PIK3CB: variants seen among roughly 807,000 people sequenced by gnomAD.
The protein encoded by PIK3CB is phosphatidylinositol 4,5-bisphosphate 3-kinase catalytic subunit beta isoform.
Under a neutral mutation model 136.8 loss-of-function variants are expected in PIK3CB, and 39 were observed. The ratio of observed to expected loss-of-function variants is 0.29; its 90% CI spans 0.22 to 0.37. The LOEUF (loss-of-function observed/expected upper bound fraction) is 0.37. PIK3CB is among the 10% of genes least tolerant of loss of function. The probability of loss-of-function intolerance (pLI) is 1.00; values close to 1 mark genes in which losing one functional copy is unlikely to be tolerated. For missense variants in PIK3CB, 868 were observed against 1,275.4 expected, an observed-to-expected ratio of 0.68 and a Z score of 4.87; for synonymous variants, 428 against 436.6, an observed-to-expected ratio of 0.98 and a Z score of 0.25.
chr3:138,767,491 T>C (rs961669826), intron 2 of PIK3CB, among the ~76,000 whole-genome samples: 1 of 152,176 alleles, frequency 6.6e-6, no homozygotes, highest in Admixed American at 6.5e-5. Flanking sequence ...GCCAGAAACA[T>C]CTGTGGCCAG....
chr3:138,826,511 T>G (rs1434930307), intron 1 of PIK3CB, among the ~76,000 whole-genome samples: 4 of 150,880 alleles, frequency 2.7e-5, no homozygotes, highest in Admixed American at 2.0e-4. Context: ...TTTTTTTTTT[T>G]TTTTTTTTTT....
At chr3:138,823,832 A>C (rs918357382) in intron 1 of PIK3CB, among the ~76,000 whole-genome samples, 2 of 152,238 alleles carry the variant, frequency 1.3e-5, no homozygotes, top group African/African-American at 4.8e-5. Context: ...TTAAATCACA[A>C]GAGCTCATTC....
At chr3:138,813,708 C>T (rs1021114666) in intron 1 of PIK3CB, among the ~76,000 whole-genome samples, 2 of 151,684 alleles carry the variant, frequency 1.3e-5, no homozygotes, top group Admixed American at 6.6e-5. Flanking sequence ...TGAGCCACCG[C>T]GCCCAGCCGA....
In PIK3CB at chr3:138,655,253, T is replaced by G; in HGVS notation, c.*136A>C. 1 of 821,626 alleles carries G rather than the reference T, an allele frequency of 1.2e-6. No homozygotes were observed. Among genetic ancestry groups the G allele is most frequent in the Non-Finnish European group, 1.9e-6 (1 of 517,798 alleles). 50.9% of individuals were successfully genotyped at this position (821,626 alleles called of 1,614,324 possible). A position where few individuals can be genotyped will look rare whatever the true frequency, so the allele number is the denominator to read the frequency against. On this transcript the variant is annotated 3_prime_UTR_variant, in exon 24 of 24. Coordinates refer to ENST00000674063, the MANE Select transcript of PIK3CB (RefSeq NM_006219.3). ...TCAGATTAGGTTCTGTGGGATGCCT[T>G]GTTCTTAATTTAACTCTGAGTTCCA...
intron 2 of PIK3CB, chr3:138,778,665 CAACT>C: frequency 4.8e-6 from 1 of 206,386 alleles, no homozygotes; most frequent in Non-Finnish European, 9.9e-6. Flanking sequence ...TTGTCTCTGC[CAACT>C]AACAGTGATA....
chr3:138,669,124 G>C (rs1337992682), intron 19 of PIK3CB, among the ~76,000 whole-genome samples: 1 of 152,032 alleles, frequency 6.6e-6, no homozygotes, highest in African/African-American at 2.4e-5. Flanking sequence ...TCTTAAAAGG[G>C]AAGTAGGCCA....
intron 8 of PIK3CB, among the ~76,000 whole-genome samples, chr3:138,733,063 C>CTATATTA (rs1461521698): frequency 6.6e-6 from 1 of 150,434 alleles, no homozygotes; most frequent in African/African-American, 2.4e-5. Context: ...TCTTACCCAT[C>CTATATTA]TATATTATAT....
At chr3:138,802,802 T>C (rs1310051037) in intron 1 of PIK3CB, among the ~76,000 whole-genome samples, 1 of 152,178 alleles carries the variant, frequency 6.6e-6, no homozygotes, top group Non-Finnish European at 1.5e-5. Flanking sequence ...GAGCCATGAA[T>C]CTTCTTCAAC....
chr3:138,683,151 A>G (rs1169464097), intron 18 of PIK3CB, among the ~76,000 whole-genome samples: 2 of 152,102 alleles, frequency 1.3e-5, no homozygotes, highest in African/African-American at 4.8e-5. Context: ...TCAGGAGTTC[A>G]ATACCACCCT....
chr3:138,696,869 T>A (rs1253131381), intron 13 of PIK3CB, among the ~76,000 whole-genome samples: 1 of 152,114 alleles, frequency 6.6e-6, no homozygotes, highest in Non-Finnish European at 1.5e-5. Flanking sequence ...AAAAAACTCC[T>A]CATATCTCCA....
intron 3 of PIK3CB, 42 bp from the exon 4 acceptor site, chr3:138,756,021 G>T: frequency 2.7e-6 from 3 of 1,105,172 alleles, no homozygotes; most frequent in Non-Finnish European, 4.1e-6. Context: ...GGAAACACTT[G>T]CTCAAGTGTA....
intron 1 of PIK3CB, chr3:138,826,104 G>C (rs1218291122): frequency 9.6e-7 from 1 of 1,040,426 alleles, no homozygotes. Flanking sequence ...TAAGAAGCTG[G>C]AAGATGGCCC....
intron 2 of PIK3CB, among the ~76,000 whole-genome samples, chr3:138,788,528 G>A (rs1396217433): frequency 6.6e-6 from 1 of 150,718 alleles, no homozygotes; most frequent in Non-Finnish European, 1.5e-5. Flanking sequence ...CTGGTGGCAT[G>A]CGCCTGTAAT....
chr3:138,696,248 T>C (rs913000192), intron 13 of PIK3CB, among the ~76,000 whole-genome samples: 9 of 151,262 alleles, frequency 5.9e-5, no homozygotes, highest in African/African-American at 2.2e-4. Flanking sequence ...AGTGGCACTA[T>C]CGTACCTCAC....
chr3:138,759,465 G>C (rs917819683), intron 2 of PIK3CB, 106 bp from the exon 3 acceptor site: 4 of 657,052 alleles, frequency 6.1e-6, no homozygotes, highest in Non-Finnish European at 1.0e-5. Context: ...TTTCAATATA[G>C]CCAATAATGT....
At chr3:138,737,670 T>G in intron 6 of PIK3CB, 37 bp downstream of exon 6, 4 of 1,003,406 alleles carry the variant, frequency 4.0e-6, no homozygotes, top group Non-Finnish European at 5.8e-6. Flanking sequence ...TATATACTCA[T>G]AGACTTTTCT....
Position 138,793,415 on chromosome 3 carries a change from C to T in PIK3CB, c.-17+3048G>A, listed in dbSNP as rs571873662. On this transcript the variant is annotated intron_variant, in intron 2 of 23. Transcript: ENST00000674063. The stretch of plus-strand genomic sequence containing the variant: ...GAGGTGAGGAGTTTGAGACCAGCCC[C>T]GTCAACATGGTGAAACCCCGTCTCT... Among the ~76,000 whole-genome samples, 4 of 150,856 alleles carry T rather than the reference C, an allele frequency of 2.7e-5. No individual in the cohort carries two copies. In the East Asian group the frequency reaches 8.0e-4, roughly 30 times the overall value.
intron 1 of PIK3CB, among the ~76,000 whole-genome samples, chr3:138,812,133 A>G (rs1161804572): frequency 1.3e-5 from 2 of 152,134 alleles, no homozygotes; most frequent in African/African-American, 4.8e-5. Context: ...TTTCATTTAT[A>G]TAACATTCTC....
chr3:138,816,680 T>C (rs894732296), intron 1 of PIK3CB, among the ~76,000 whole-genome samples: 44 of 151,906 alleles, frequency 2.9e-4, no homozygotes, highest in African/African-American at 1.0e-3. Flanking sequence ...TCACTGGAGA[T>C]TGTCAGTTAA....
Sources: gnomAD v4.1 joint callset for allele counts (sites outside exome capture counted in the v4.1 genomes callset) on GRCh38, gnomAD v4.1.1 for gene constraint, MANE v1.5 for transcripts, NCBI Gene and HGNC (gene_info 2026-07-23, HGNC 2026-07-21) for gene names.